The following MIA2 variants were observed in gnomAD, a reference collection of about 807,000 sequenced individuals.
The protein encoded by MIA2 is melanoma inhibitory activity protein 2.
A neutral mutation model predicts 167.8 loss-of-function variants in MIA2; 127 were observed. The ratio of observed to expected loss-of-function variants is 0.76; its 90% CI spans 0.66 to 0.88. The LOEUF (loss-of-function observed/expected upper bound fraction) is 0.88. Among genes scored for constraint, MIA2 ranks in the 40% least tolerant of loss-of-function variants. The pLI is 0.00. For missense variants in MIA2, 1,690 were observed against 1,624.7 expected (o/e 1.04, Z -0.69); for synonymous variants, 552 against 541.9 (o/e 1.02, Z -0.26).
intron 6 of MIA2, among the ~76,000 whole-genome samples, chr14:39,264,353 G>A (rs1265971794): frequency 1.3e-5 from 2 of 152,170 alleles, no homozygotes; most frequent in African/African-American, 4.8e-5. Flanking sequence ...CCGTTGATGG[G>A]CACCTAGGGT....
At position 39,269,800 on chromosome 14, in the gene MIA2, C is replaced by G. The variant is rs539345231; in HGVS notation, c.1888-7134C>G. The stretch of plus-strand genomic sequence containing the variant: ...CCTCCAAAAATGCTGGGATTACAGG[C>G]GTGAGCCACTTCGCCTGGCCCTTCA... On this transcript the variant is annotated intron_variant, in intron 6 of 28. Coordinates refer to ENST00000640607, the MANE Select transcript of MIA2 (RefSeq NM_001329214.4). 3.9e-5 allele frequency among the ~76,000 whole-genome samples: 6 copies of G among 152,090 alleles called. 1 individual carries two copies. Among genetic ancestry groups the G allele is most frequent in the Non-Finnish European group, 8.8e-5 (6 of 68,014 alleles).
intron 6 of MIA2, among the ~76,000 whole-genome samples, chr14:39,257,630 T>A (rs573703620): frequency 5.5e-4 from 84 of 152,356 alleles, no homozygotes; most frequent in African/African-American, 1.9e-3. Flanking sequence ...GTTGTCATGA[T>A]GCTAGCTGGT....
chr14:39,367,265 G>A (rs556035234), intron 23 of MIA2, among the ~76,000 whole-genome samples: 1 of 152,280 alleles, frequency 6.6e-6, no homozygotes, highest in South Asian at 2.1e-4. Context: ...CTGATACTAT[G>A]CCACTGCAGT....
chr14:39,235,185 G>A (rs187359187), intron 1 of MIA2, among the ~76,000 whole-genome samples: 153 of 151,876 alleles, frequency 1.0e-3, no homozygotes, highest in African/African-American at 3.4e-3. Context: ...ATAGGCGCAC[G>A]CCACCACACC....
At chr14:39,363,800 A>C (rs1349118182) in intron 23 of MIA2, among the ~76,000 whole-genome samples, 5 of 152,084 alleles carry the variant, frequency 3.3e-5, no homozygotes, top group Non-Finnish European at 7.4e-5. Context: ...GTTTGACTTA[A>C]AGTCTGTTTT....
intron 6 of MIA2, chr14:39,269,017 A>T: frequency 1.0e-6 from 1 of 981,748 alleles, no homozygotes; most frequent in Non-Finnish European, 1.2e-6. Context: ...ACATGGAGAA[A>T]TGCAGCCAGA....
At chr14:39,254,618 T>C (rs181086354) in intron 6 of MIA2, among the ~76,000 whole-genome samples, 54 of 152,360 alleles carry the variant, frequency 3.5e-4, no homozygotes, top group African/African-American at 1.2e-3. Flanking sequence ...TTGTATGCGC[T>C]GTCTAAAGGA....
At chr14:39,319,069 G>C (rs1334941628) in intron 22 of MIA2, 140 bp from the exon 23 acceptor site, 3 of 445,098 alleles carry the variant, frequency 6.7e-6, no homozygotes, top group African/African-American at 6.0e-5. Flanking sequence ...AGGTGTTTTG[G>C]TCAGAATAAT....
chr14:39,255,487 C>T (rs1408680262), intron 6 of MIA2, among the ~76,000 whole-genome samples: 7 of 152,050 alleles, frequency 4.6e-5, no homozygotes. Context: ...CAGCCTGGGC[C>T]ATAGAGTAAG....
At chr14:39,361,629 G>A (rs1398779102) in intron 23 of MIA2, among the ~76,000 whole-genome samples, 1 of 151,996 alleles carries the variant, frequency 6.6e-6, no homozygotes, top group Non-Finnish European at 1.5e-5. Context: ...TAGTAGAAAT[G>A]GGGTTTCACC....
chr14:39,374,588 A>T (rs2075011782), intron 23 of MIA2, among the ~76,000 whole-genome samples: 1 of 152,166 alleles, frequency 6.6e-6, no homozygotes, highest in Admixed American at 6.5e-5. Flanking sequence ...ATTTCTATAG[A>T]TATAAATATT....
chr14:39,264,698 C>T (rs941660894), intron 6 of MIA2, among the ~76,000 whole-genome samples: 2 of 152,168 alleles, frequency 1.3e-5, no homozygotes, highest in Non-Finnish European at 2.9e-5. Flanking sequence ...GATGTGGCTC[C>T]ACAATTTTGA....
intron 25 of MIA2, among the ~76,000 whole-genome samples, chr14:39,330,010 T>C (rs575765738): frequency 1.3e-5 from 2 of 152,344 alleles, no homozygotes; most frequent in African/African-American, 4.8e-5. Context: ...GATTCCCTCT[T>C]TTTCTGTTGA....
intron 25 of MIA2, among the ~76,000 whole-genome samples, chr14:39,345,382 T>C (rs1220221429): frequency 2.6e-5 from 4 of 152,258 alleles, no homozygotes; most frequent in African/African-American, 9.6e-5. Context: ...CTCTTTCCAT[T>C]TGGTTTGGAA....
At chr14:39,288,461 A>ATTTTTTTTTTTT (rs1225086664) in intron 9 of MIA2, among the ~76,000 whole-genome samples, 1 of 19,892 alleles carries the variant, frequency 5.0e-5, no homozygotes, top group African/African-American at 1.3e-4. Flanking sequence ...ATATATATAT[A>ATTTTTTTTTTTT]TATATATATA....
rs1566747188 is a variant in MIA2, at chr14:39,288,453, A to ATTTTTTT, written c.2131-2565_2131-2564insTTTTTTT. 8.0e-4 allele frequency among the ~76,000 whole-genome samples: 11 copies of ATTTTTTT among 13,802 alleles called. 3 individuals carry two copies. Among genetic ancestry groups the ATTTTTTT allele is most frequent in the Middle Eastern group, 0.077 (2 of 26 alleles). 9.1% of individuals were successfully genotyped at this position (13,802 alleles called of 152,430 possible). ...TATACATATATATATATATATATATATATATATATATATATATATATATTT... is the reference window on the plus strand; with the variant it reads ...TATACATATATATATATATATATATATTTTTTTTATATATATATATATATATATATTT... On this transcript the variant is annotated intron_variant, in intron 9 of 28. Coordinates refer to ENST00000640607, the MANE Select transcript of MIA2 (RefSeq NM_001329214.4).
At chr14:39,381,569 G>A (rs1595967813) in intron 23 of MIA2, among the ~76,000 whole-genome samples, 1 of 152,042 alleles carries the variant, frequency 6.6e-6, no homozygotes, top group Non-Finnish European at 1.5e-5. Context: ...ACTGTGGGGC[G>A]ATGGCCGAAG....
At chr14:39,318,915 T>G (rs2065937460) in intron 22 of MIA2, among the ~76,000 whole-genome samples, 1 of 152,154 alleles carries the variant, frequency 6.6e-6, no homozygotes, top group Non-Finnish European at 1.5e-5. Flanking sequence ...CTCTTGTATT[T>G]CAAAAATTTG....
intron 21 of MIA2, 42 bp downstream of exon 21, chr14:39,315,760 T>C (rs781532897): frequency 5.2e-6 from 7 of 1,337,800 alleles, no homozygotes; most frequent in Non-Finnish European, 7.3e-6. Context: ...TCAAATTGTA[T>C]GTTTTTTTCA....
Sources: gnomAD v4.1 joint callset for allele counts (sites outside exome capture counted in the v4.1 genomes callset) on GRCh38, gnomAD v4.1.1 for gene constraint, MANE v1.5 for transcripts, NCBI Gene and HGNC (gene_info 2026-07-23, HGNC 2026-07-21) for gene names.